The following CPNE4 variants were observed in gnomAD, a reference collection of about 807,000 sequenced individuals.
CPNE4 encodes the protein copine 4, also known as copine-4.
CPNE4 carries 25 observed loss-of-function variants against 67.9 expected under a neutral mutation model. The observed-to-expected ratio is 0.37, with a 90% confidence interval of 0.27 to 0.51. The LOEUF (loss-of-function observed/expected upper bound fraction) is 0.51. CPNE4 is among the 20% of genes least tolerant of loss of function. CPNE4 has a pLI of 0.93. For synonymous variants in CPNE4, 242 were observed against 244.9 expected (o/e 0.99, Z 0.11); for missense variants, 464 against 690.8 (o/e 0.67, Z 3.68).
intron 2 of CPNE4, among the ~76,000 whole-genome samples, chr3:131,887,289 C>T (rs2087933816): frequency 6.6e-6 from 1 of 152,208 alleles, no homozygotes; most frequent in Non-Finnish European, 1.5e-5. Context: ...TAAGATGTGA[C>T]TTGCTCCTCC....
intron 9 of CPNE4, among the ~76,000 whole-genome samples, chr3:131,579,208 G>T (rs1937633562): frequency 6.6e-6 from 1 of 152,112 alleles, no homozygotes. Context: ...TATCTACTCT[G>T]CCCATGCTCT....
chr3:131,855,779 A>C (rs2086419711), intron 2 of CPNE4, among the ~76,000 whole-genome samples: 1 of 151,916 alleles, frequency 6.6e-6, no homozygotes, highest in Non-Finnish European at 1.5e-5. Flanking sequence ...TCTGCTTATA[A>C]AGACCTCTTC....
chr3:131,626,735 C>G (rs529986937), intron 7 of CPNE4, among the ~76,000 whole-genome samples: 1 of 152,254 alleles, frequency 6.6e-6, no homozygotes, highest in East Asian at 1.9e-4. Flanking sequence ...TCAATATAGA[C>G]AAAACAGTCT....
At chr3:131,784,102 T>A (rs144898608) in intron 2 of CPNE4, among the ~76,000 whole-genome samples, 1,675 of 152,234 alleles carry the variant, frequency 0.011, 28 homozygotes, top group African/African-American at 0.038. Flanking sequence ...GTATATTTAA[T>A]AAACAATGTC....
intron 7 of CPNE4, among the ~76,000 whole-genome samples, chr3:131,598,126 C>T (rs1938999171): frequency 6.6e-6 from 1 of 152,288 alleles, no homozygotes; most frequent in Non-Finnish European, 1.5e-5. Flanking sequence ...ATTCTAGAAA[C>T]AGCTTTAGGG....
At chr3:131,928,756 G>A (rs1294419373) in intron 1 of CPNE4, among the ~76,000 whole-genome samples, 1 of 152,206 alleles carries the variant, frequency 6.6e-6, no homozygotes, top group African/African-American at 2.4e-5. Context: ...GACTGGTATA[G>A]ATGGGAGGGT....
intron 2 of CPNE4, among the ~76,000 whole-genome samples, chr3:131,867,340 A>T (rs1174019396): frequency 1.3e-5 from 2 of 152,206 alleles, no homozygotes; most frequent in African/African-American, 4.8e-5. Context: ...CCCTGGATCC[A>T]GAATGCAGCA....
chr3:131,691,339 T>A (rs559067528), intron 5 of CPNE4, among the ~76,000 whole-genome samples: 1 of 152,166 alleles, frequency 6.6e-6, no homozygotes, highest in Non-Finnish European at 1.5e-5. Context: ...TAAAGAAAAT[T>A]TGGCACTTAT....
intron 7 of CPNE4, among the ~76,000 whole-genome samples, chr3:131,598,859 CA>C (rs1191935373): frequency 2.2e-4 from 33 of 146,716 alleles, no homozygotes; most frequent in South Asian, 4.3e-4. Context: ...ACCCCCCCGC[CA>C]AAAAAAAATT....
intron 2 of CPNE4, among the ~76,000 whole-genome samples, chr3:131,752,040 C>A (rs1192339038): frequency 1.3e-5 from 2 of 152,076 alleles, no homozygotes; most frequent in African/African-American, 4.8e-5. Flanking sequence ...TCCTCTAACA[C>A]CTCCCCAGCG....
intron 3 of CPNE4, among the ~76,000 whole-genome samples, chr3:131,722,426 G>T (rs2081909703): frequency 1.3e-5 from 2 of 149,440 alleles, no homozygotes; most frequent in African/African-American, 4.9e-5. Flanking sequence ...AGGGAAAGTG[G>T]TCTCTTCCCA....
At chr3:131,981,839 C>T (rs2072916951) in intron 1 of CPNE4, among the ~76,000 whole-genome samples, 1 of 152,196 alleles carries the variant, frequency 6.6e-6, no homozygotes, top group Non-Finnish European at 1.5e-5. Flanking sequence ...ACTTCTCCCA[C>T]AAACAGACCT....
chr3:131,980,375 A>G (rs2072875020), intron 1 of CPNE4, among the ~76,000 whole-genome samples: 1 of 152,014 alleles, frequency 6.6e-6, no homozygotes, highest in Non-Finnish European at 1.5e-5. Context: ...GACTTCCTGG[A>G]GGTTTTGTTC....
chr3:131,746,663 AT>A (rs1340741750), intron 2 of CPNE4, among the ~76,000 whole-genome samples: 1 of 152,118 alleles, frequency 6.6e-6, no homozygotes, highest in African/African-American at 2.4e-5. Context: ...TTCTTTATCC[AT>A]TCATCTGTTG....
At chr3:132,031,638 T>C (rs966050413) in intron 1 of CPNE4, among the ~76,000 whole-genome samples, 1 of 152,200 alleles carries the variant, frequency 6.6e-6, no homozygotes, top group African/African-American at 2.4e-5. Context: ...AATGAAAAGA[T>C]CCTTTCTTTA....
chr3:131,593,367 C>T (rs559372674), intron 7 of CPNE4, among the ~76,000 whole-genome samples: 2 of 152,176 alleles, frequency 1.3e-5, no homozygotes, highest in South Asian at 2.1e-4. Flanking sequence ...AGTGTAGAAG[C>T]CTTTCAACTC....
At chr3:131,624,356 T>C (rs995031829) in intron 7 of CPNE4, among the ~76,000 whole-genome samples, 1 of 152,316 alleles carries the variant, frequency 6.6e-6, no homozygotes, top group Middle Eastern at 3.4e-3. Context: ...TCTGGGTTTC[T>C]AGGAATTGTG....
intron 2 of CPNE4, among the ~76,000 whole-genome samples, chr3:131,781,420 T>C (rs763010851): frequency 2.0e-5 from 3 of 152,134 alleles, no homozygotes; most frequent in Admixed American, 1.3e-4. Context: ...TTTATTCCAG[T>C]CATTTGAATA....
Position 131,978,048 on chromosome 3 carries a change from G to GATATATATAAATATATATAA in CPNE4, c.-2+56499_-2+56518dup, listed in dbSNP as rs201669940. On this transcript the variant is annotated intron_variant, in intron 1 of 15. Transcript: ENST00000429747. ...TATGGCTGCATAGTATTCCATCATA[G>GATATATATAAATATATATAA]ATATATATAAATATATATAAATATA... Among the ~76,000 whole-genome samples, 60 of 76,596 alleles carry GATATATATAAATATATATAA rather than the reference G, an allele frequency of 7.8e-4. 3 individuals carry two copies. The highest frequency in any genetic ancestry group is 4.6e-3 in the South Asian group (13 of 2,848). The allele number at this position is 76,596 out of a possible 152,430, so 50.2% of individuals were successfully genotyped here. A position where few individuals can be genotyped will look rare whatever the true frequency, so the allele number is the denominator to read the frequency against.
Sources: allele counts gnomAD v4.1 joint callset (sites outside exome capture counted in the v4.1 genomes callset), GRCh38; gene constraint gnomAD v4.1.1; transcripts MANE v1.5; gene names NCBI Gene and HGNC (gene_info 2026-07-23, HGNC 2026-07-21).